NFATC2IP: variants seen among roughly 807,000 people sequenced by gnomAD.
The protein encoded by NFATC2IP is NFATC2-interacting protein.
NFATC2IP carries 25 observed loss-of-function variants against 40.2 expected under a neutral mutation model. That is an observed-to-expected ratio of 0.62 (90% CI 0.45 to 0.87). NFATC2IP has a LOEUF of 0.87. NFATC2IP is among the 40% of genes least tolerant of loss of function. The probability of loss-of-function intolerance (pLI) is 0.00; values close to 1 mark genes in which losing one functional copy is unlikely to be tolerated. For missense variants in NFATC2IP, 553 were observed against 555.6 expected (o/e 1.00, Z 0.05); for synonymous variants, 241 against 236.3 (o/e 1.02, Z -0.18).
chr16:28,959,112 A>C lies in NFATC2IP; in HGVS notation c.1101+12A>C, dbSNP rs769759188. 1 of 1,533,546 alleles carries C rather than the reference A, an allele frequency of 6.5e-7. No homozygotes were observed. 95.0% of individuals were successfully genotyped at this position (1,533,546 alleles called of 1,614,324 possible). ...TCTCACTGTCTCGAGTGAGTGGGAGAGATGGCTCTCCACGCCCCTCACCCT... is the reference window on the plus strand; with the variant it reads ...TCTCACTGTCTCGAGTGAGTGGGAGCGATGGCTCTCCACGCCCCTCACCCT... On this transcript the variant is annotated intron_variant, in intron 7 of 7. Coordinates refer to ENST00000320805, the MANE Select transcript of NFATC2IP (RefSeq NM_032815.4).
intron 2 of NFATC2IP, among the ~76,000 whole-genome samples, chr16:28,952,809 C>T (rs1318636313): frequency 1.3e-5 from 2 of 150,736 alleles, no homozygotes; most frequent in African/African-American, 4.9e-5. Context: ...ATGGCACGAT[C>T]TCGGCTCGCT....
chr16:28,952,998 A>G (rs1964984071), intron 2 of NFATC2IP, among the ~76,000 whole-genome samples: 1 of 151,468 alleles, frequency 6.6e-6, no homozygotes, highest in African/African-American at 2.4e-5. Context: ...AGCTTCCCAA[A>G]TTGCTGGGAT....
At chr16:28,960,753 G>T (rs1001714561) in intron 7 of NFATC2IP, among the ~76,000 whole-genome samples, 3 of 152,140 alleles carry the variant, frequency 2.0e-5, no homozygotes, top group Non-Finnish European at 4.4e-5. Context: ...GATCAAGGTT[G>T]TAGTGAGCCA....
chr16:28,951,219 G>A lies in NFATC2IP; in HGVS notation c.208G>A (p.Glu70Lys). ...CGCCACCGCTCGCGGTGCCGCGGAC[G>A]AGGTTGAGGTGGAGCCCCCGGAGCC... ...EVATARGAAD[E>K]VEVEPPEPPG... The change falls in exon 1 of 8, where the codon GAG (glutamate) becomes AAG (lysine). Residue 70 changes from glutamate to lysine, a missense_variant. Physicochemically the swap from Glu to Lys is moderately conservative, Grantham distance 56. Coordinates refer to ENST00000320805, the MANE Select transcript of NFATC2IP (RefSeq NM_032815.4). 1.3e-6 allele frequency: 2 copies of A among 1,528,326 alleles called. No homozygotes were observed. Among genetic ancestry groups the A allele is most frequent in the Non-Finnish European group, 1.8e-6 (2 of 1,134,012 alleles). 94.7% of individuals were successfully genotyped at this position (1,528,326 alleles called of 1,614,324 possible).
chr16:28,963,744 G>C lies in NFATC2IP; in HGVS notation c.1141G>C (p.Ala381Pro). The C allele has an allele frequency of 1.2e-6, 2 of 1,613,958 alleles. No individual in the cohort carries two copies. The change falls in exon 8 of 8, where the codon GCC (alanine) becomes CCC (proline). Residue 381 changes from alanine (A) to proline (P), a missense_variant. Ala to Pro is a conservative substitution (Grantham distance 27). Transcript: ENST00000320805. ...GACCCTCATGTCCCACTATGAGGAG[G>C]CCATGGGACTGTCGGGACGGAAGCT... ...LKTLMSHYEE[A>P]MGLSGRKLSF...
intron 2 of NFATC2IP, among the ~76,000 whole-genome samples, chr16:28,952,902 T>A (rs771640917): frequency 2.0e-4 from 30 of 151,596 alleles, no homozygotes; most frequent in Non-Finnish European, 3.8e-4. Flanking sequence ...GCCTGGCTAA[T>A]TTTTTGTATT....
rs1165185145 is a variant in NFATC2IP, at chr16:28,951,101, G to A, written c.90G>A (p.Arg30=). 3 of 1,544,266 alleles carry A rather than the reference G, an allele frequency of 1.9e-6. No individual in the cohort carries two copies. The highest frequency in any genetic ancestry group is 2.0e-5 in the Admixed American group (1 of 50,670). The stretch of plus-strand genomic sequence containing the variant: ...GGGGCGGCTGGGGCGGTCGGGGCCG[G>A]CGTCCTCGGGCCCAGCGGTCTCCAT... ...GGRGGWGGRG[R]RPRAQRSPSR... The change falls in exon 1 of 8, where the codon CGG becomes CGA. Residue 30 remains arginine (R), a synonymous_variant. Transcript: ENST00000320805.
Position 28,963,730 on chromosome 16 carries a change from C to G in NFATC2IP, c.1127C>G (p.Ser376Cys), listed in dbSNP as rs758752227. 1.2e-6 allele frequency: 2 copies of G among 1,614,014 alleles called. No individual in the cohort carries two copies. Among genetic ancestry groups the G allele is most frequent in the South Asian group, 2.2e-5 (2 of 91,086 alleles). Residue 376 changes from serine (S) to cysteine (C), a missense_variant, in exon 8 of 8, where the codon TCC becomes TGC. Ser to Cys is a moderately radical substitution (Grantham distance 112, BLOSUM62 -1). Transcript: ENST00000320805. ...GATTCCCCTCTAAAGACCCTCATGT[C>G]CCACTATGAGGAGGCCATGGGACTG... ...SRDSPLKTLM[S>C]HYEEAMGLSG...
chr16:28,952,385 T>C (rs540712369), intron 2 of NFATC2IP, 181 bp downstream of exon 2: 10 of 979,112 alleles, frequency 1.0e-5, no homozygotes, highest in Middle Eastern at 2.7e-4. Context: ...TATTAATGTA[T>C]ACATTTCTGG....
chr16:28,959,767 C>G (rs1376496773), intron 7 of NFATC2IP, among the ~76,000 whole-genome samples: 1 of 151,996 alleles, frequency 6.6e-6, no homozygotes, highest in African/African-American at 2.4e-5. Flanking sequence ...AGGGTTTCAC[C>G]ATGTTGGCCA....
intron 3 of NFATC2IP, among the ~76,000 whole-genome samples, chr16:28,955,354 A>G (rs1965008843): frequency 6.6e-6 from 1 of 152,174 alleles, no homozygotes; most frequent in Non-Finnish European, 1.5e-5. Flanking sequence ...AGGGGAGTGA[A>G]TCACTTGAGC....
intron 2 of NFATC2IP, among the ~76,000 whole-genome samples, chr16:28,954,286 C>T (rs539722376): frequency 9.9e-5 from 15 of 152,104 alleles, no homozygotes; most frequent in Admixed American, 5.2e-4. Context: ...TTATTGACAG[C>T]GGGCAAATAG....
At position 28,963,845 on chromosome 16, in the gene NFATC2IP, CATTGAGGTCTGGGGCTG is replaced by C. The variant is rs1965115110; in HGVS notation, c.1244_1260del (p.Ile415ThrfsTer16). The C allele has an allele frequency of 6.2e-7, 1 of 1,614,114 alleles. No individual in the cohort carries two copies. The highest frequency in any genetic ancestry group is 8.5e-7 in the Non-Finnish European group (1 of 1,180,044). On this transcript the variant is annotated frameshift_variant and stop_lost, in exon 8 of 8. Transcript: ENST00000320805. LOFTEE classifies it high-confidence loss of function. ...ACCTGGGCATGGAATCTGGGGACCT[CATTGAGGTCTGGGGCTG>C]ACACCCCACTCCCTGTTTGACGGCC... is the stretch of plus-strand genomic sequence containing the variant.
intron 7 of NFATC2IP, among the ~76,000 whole-genome samples, chr16:28,962,759 CCCTGTCTCCT>C (rs1252005931): frequency 6.6e-6 from 1 of 152,212 alleles, no homozygotes; most frequent in Non-Finnish European, 1.5e-5. Context: ...ATGGAATCTG[CCCTGTCTCCT>C]CCTGGCTCCT....
chr16:28,954,555 C>T lies in NFATC2IP; in HGVS notation c.461-10C>T. On this transcript the variant is annotated splice_polypyrimidine_tract_variant and intron_variant, in intron 2 of 7. Coordinates refer to ENST00000320805, the MANE Select transcript of NFATC2IP (RefSeq NM_032815.4). Reference sequence around the variant, plus strand: ...TAACCCCCTTCTACCTTCTCTTCCTCTGCCCCCAGAGGCAGAGCTGGCAGA... The same window carrying T: ...TAACCCCCTTCTACCTTCTCTTCCTTTGCCCCCAGAGGCAGAGCTGGCAGA... 1 of 1,593,708 alleles carries T rather than the reference C, an allele frequency of 6.3e-7. No individual in the cohort carries two copies. The highest frequency in any genetic ancestry group is 8.6e-7 in the Non-Finnish European group (1 of 1,162,544).
intron 5 of NFATC2IP, among the ~76,000 whole-genome samples, chr16:28,957,389 T>C (rs1230459925): frequency 1.3e-5 from 2 of 151,106 alleles, no homozygotes; most frequent in African/African-American, 2.4e-5. Flanking sequence ...ATTCCTGTAA[T>C]CCCAGCACTT....
chr16:28,951,826 G>A (rs932145887), intron 1 of NFATC2IP, among the ~76,000 whole-genome samples: 1 of 152,092 alleles, frequency 6.6e-6, no homozygotes, highest in Non-Finnish European at 1.5e-5. Flanking sequence ...GTCCCCCGAT[G>A]GTCGTGTGAG....
intron 7 of NFATC2IP, among the ~76,000 whole-genome samples, chr16:28,963,470 C>T (rs575927354): frequency 1.5e-4 from 23 of 152,280 alleles, no homozygotes; most frequent in South Asian, 6.2e-4. Flanking sequence ...TCGTGGCCCC[C>T]GTCCTCTACC....
Position 28,951,439 on chromosome 16 carries a change from G to A in NFATC2IP, c.387+41G>A, listed in dbSNP as rs2141637353. 2.2e-6 allele frequency: 3 copies of A among 1,371,202 alleles called. No individual in the cohort carries two copies. The East Asian group carries it at 8.8e-5, about 40-fold the overall frequency. 84.9% of individuals were successfully genotyped at this position (1,371,202 alleles called of 1,614,324 possible). ...GGGAGGGGACCGGCGGAAGGGCCAAGGGCTTGGCCTCCAGGGAGGGGCCGG... is the reference window on the plus strand; with the variant it reads ...GGGAGGGGACCGGCGGAAGGGCCAAAGGCTTGGCCTCCAGGGAGGGGCCGG... On this transcript the variant is annotated intron_variant, in intron 1 of 7. Transcript: ENST00000320805.
Sources: allele counts gnomAD v4.1 joint callset (sites outside exome capture counted in the v4.1 genomes callset), GRCh38; gene constraint gnomAD v4.1.1; transcripts MANE v1.5; gene names NCBI Gene and HGNC (gene_info 2026-07-23, HGNC 2026-07-21).